FOXP1: variants seen among roughly 807,000 people sequenced by gnomAD.
FOXP1 encodes the protein forkhead box protein P1.
FOXP1 carries 15 observed loss-of-function variants against 98.2 expected under a neutral mutation model. The ratio of observed to expected loss-of-function variants is 0.15; its 90% CI spans 0.10 to 0.24. The LOEUF (loss-of-function observed/expected upper bound fraction) is 0.24, where lower values mean the gene tolerates loss of function less well. FOXP1 is among the 10% of genes least tolerant of loss of function. The pLI is 1.00. For missense variants in FOXP1, 633 were observed against 848.5 expected, an observed-to-expected ratio of 0.75 and a Z score of 3.15; for synonymous variants, 371 against 314.5, an observed-to-expected ratio of 1.18 and a Z score of -1.90.
chr3:71,175,747 G>A (rs963142278), intron 6 of FOXP1, among the ~76,000 whole-genome samples: 2 of 152,196 alleles, frequency 1.3e-5, no homozygotes, highest in African/African-American at 2.4e-5. Context: ...CTAGGGAAAT[G>A]TACATAGTTT....
chr3:70,978,347 T>C (rs1172207895), intron 14 of FOXP1, among the ~76,000 whole-genome samples: 1 of 150,560 alleles, frequency 6.6e-6, no homozygotes, highest in Non-Finnish European at 1.5e-5. Context: ...GTCTCACCTA[T>C]AGGCTTTGAT....
chr3:71,063,791 CA>C (rs897967315), intron 7 of FOXP1, among the ~76,000 whole-genome samples: 15 of 152,048 alleles, frequency 9.9e-5, no homozygotes, highest in African/African-American at 3.6e-4. Flanking sequence ...TTTGTTTGGA[CA>C]AAAATATAAA....
chr3:71,207,758 G>A (rs930071545), intron 5 of FOXP1, among the ~76,000 whole-genome samples: 9 of 152,036 alleles, frequency 5.9e-5, no homozygotes, highest in African/African-American at 1.5e-4. Flanking sequence ...ATGATGATAT[G>A]ATGCGAGCTG....
chr3:71,562,974 A>T (rs1212358481), intron 2 of FOXP1, among the ~76,000 whole-genome samples: 1 of 152,172 alleles, frequency 6.6e-6, no homozygotes. Flanking sequence ...TGGGAAGAGA[A>T]GCATTGTGCC....
At chr3:71,152,762 G>C (rs570398452) in intron 6 of FOXP1, among the ~76,000 whole-genome samples, 1 of 152,300 alleles carries the variant, frequency 6.6e-6, no homozygotes, top group South Asian at 2.1e-4. Flanking sequence ...TCAGAAGGCA[G>C]TGAACCCAGG....
At position 70,958,501 on chromosome 3, in the gene FOXP1, T is replaced by C. The variant is rs2032397866; in HGVS notation, c.*746A>G. 1 of 382,790 alleles carries C rather than the reference T, an allele frequency of 2.6e-6. No homozygotes were observed. The highest frequency in any genetic ancestry group is 2.0e-5 in the African/African-American group (1 of 49,296). The allele number at this position is 382,790 out of a possible 1,614,324, so 23.7% of individuals were successfully genotyped here. A position where few individuals can be genotyped will look rare whatever the true frequency, so the allele number is the denominator to read the frequency against. ...GTGACAGAAAGCTACAAACGAGAAATGACATTCAGCTTTGTATAATAAAAA... is the reference window on the plus strand; with the variant it reads ...GTGACAGAAAGCTACAAACGAGAAACGACATTCAGCTTTGTATAATAAAAA... On this transcript the variant is annotated 3_prime_UTR_variant, in exon 21 of 21. Coordinates refer to ENST00000649528, the MANE Select transcript of FOXP1 (RefSeq NM_001349338.3).
At chr3:70,997,138 G>A (rs2041488280) in intron 13 of FOXP1, among the ~76,000 whole-genome samples, 1 of 152,194 alleles carries the variant, frequency 6.6e-6, no homozygotes, top group Non-Finnish European at 1.5e-5. Flanking sequence ...AGGAGGTGAT[G>A]CACCAGTCAG....
At chr3:71,195,778 G>T (rs1347493150) in intron 6 of FOXP1, among the ~76,000 whole-genome samples, 1 of 152,128 alleles carries the variant, frequency 6.6e-6, no homozygotes, top group South Asian at 2.1e-4. Context: ...CTCACTGCTG[G>T]TATTCTCACT....
intron 20 of FOXP1, among the ~76,000 whole-genome samples, chr3:70,960,231 C>T (rs1259355523): frequency 2.6e-5 from 4 of 152,164 alleles, no homozygotes; most frequent in African/African-American, 7.2e-5. Flanking sequence ...TGCCAGGAAA[C>T]ACAAACGTAG....
At chr3:71,557,324 C>A (rs2046213968) in intron 2 of FOXP1, among the ~76,000 whole-genome samples, 1 of 150,712 alleles carries the variant, frequency 6.6e-6, no homozygotes, top group Admixed American at 6.6e-5. Flanking sequence ...TTATCTTCCA[C>A]AGCTCAAATG....
At chr3:71,505,514 C>G (rs2041750929) in intron 2 of FOXP1, among the ~76,000 whole-genome samples, 1 of 151,310 alleles carries the variant, frequency 6.6e-6, no homozygotes, top group Non-Finnish European at 1.5e-5. Flanking sequence ...TCCGCCTCCC[C>G]TCCCAGGTTC....
intron 3 of FOXP1, among the ~76,000 whole-genome samples, chr3:71,384,758 A>G (rs1350829210): frequency 6.6e-6 from 1 of 152,248 alleles, no homozygotes; most frequent in Non-Finnish European, 1.5e-5. Flanking sequence ...GGTGGCAATG[A>G]AAGCTTTTTA....
chr3:70,977,582 T>C (rs1039200155), intron 16 of FOXP1, 61 bp downstream of exon 16: 1 of 1,342,638 alleles, frequency 7.4e-7, no homozygotes, highest in Non-Finnish European at 1.1e-6. Context: ...ACTTCATCAA[T>C]ATATATCCAT....
intron 7 of FOXP1, among the ~76,000 whole-genome samples, chr3:71,083,932 A>T (rs1196811017): frequency 6.6e-6 from 1 of 152,236 alleles, no homozygotes; most frequent in African/African-American, 2.4e-5. Flanking sequence ...GGAAGTGGTC[A>T]TAGTGTAACA....
intron 3 of FOXP1, among the ~76,000 whole-genome samples, chr3:71,475,750 G>C (rs962536864): frequency 6.6e-6 from 1 of 152,146 alleles, no homozygotes; most frequent in African/African-American, 2.4e-5. Flanking sequence ...GCTGAAGTAG[G>C]AGAATCGATT....
At chr3:71,359,669 C>CTA (rs1271020424) in intron 3 of FOXP1, among the ~76,000 whole-genome samples, 2 of 152,124 alleles carry the variant, frequency 1.3e-5, no homozygotes, top group Non-Finnish European at 2.9e-5. Flanking sequence ...GTACCTTGAA[C>CTA]TATAGGTGTG....
intron 20 of FOXP1, 43 bp from the exon 21 acceptor site, chr3:70,959,434 C>T: frequency 1.2e-6 from 2 of 1,612,790 alleles, no homozygotes; most frequent in South Asian, 1.1e-5. Context: ...ACTTCCCAGC[C>T]CATTGCAGCT....
intron 7 of FOXP1, among the ~76,000 whole-genome samples, chr3:71,061,872 T>C (rs2051542237): frequency 6.6e-6 from 1 of 152,220 alleles, no homozygotes; most frequent in South Asian, 2.1e-4. Flanking sequence ...ACTGAGAAGC[T>C]AGTCACAACA....
intron 13 of FOXP1, among the ~76,000 whole-genome samples, chr3:70,993,563 C>A (rs1028516839): frequency 6.6e-6 from 1 of 152,218 alleles, no homozygotes. Flanking sequence ...CAAATTATTT[C>A]TTTGACTCTA....
Sources: gnomAD v4.1 joint callset for allele counts (sites outside exome capture counted in the v4.1 genomes callset) on GRCh38, gnomAD v4.1.1 for gene constraint, MANE v1.5 for transcripts, NCBI Gene and HGNC (gene_info 2026-07-23, HGNC 2026-07-21) for gene names.